Variants in PLEK2 observed in about 807,000 individuals in gnomAD.
PLEK2 encodes pleckstrin-2.
A neutral mutation model predicts 43.8 loss-of-function variants in PLEK2; 29 were observed. That is an observed-to-expected ratio of 0.66 (90% CI 0.49 to 0.90). The LOEUF is 0.90. Ranked by LOEUF, PLEK2 falls within the 40% of genes least tolerant of loss-of-function variation. The pLI is 0.00. For synonymous variants in PLEK2, 162 were observed against 173.2 expected, an observed-to-expected ratio of 0.94 and a Z score of 0.51; for missense variants, 398 against 448.1, an observed-to-expected ratio of 0.89 and a Z score of 1.01.
chr14:67,391,308 T>TGTGTGTGTGA, intron 6 of PLEK2, among the ~76,000 whole-genome samples: 1 of 145,924 alleles, frequency 6.9e-6, no homozygotes, highest in African/African-American at 2.7e-5. Context: ...TGTGTGTGAC[T>TGTGTGTGTGA]TTCTTTGGCC....
chr14:67,410,638 A>G (rs1444224842), intron 1 of PLEK2, among the ~76,000 whole-genome samples: 1 of 152,128 alleles, frequency 6.6e-6, no homozygotes, highest in Non-Finnish European at 1.5e-5. Flanking sequence ...GTGCAACATC[A>G]TGTGGACACA....
At chr14:67,396,912 G>C (rs1038574976) in intron 2 of PLEK2, among the ~76,000 whole-genome samples, 2 of 151,408 alleles carry the variant, frequency 1.3e-5, no homozygotes, top group Admixed American at 6.6e-5. Context: ...CTTGGCACAT[G>C]ATGGGCCCTT....
intron 1 of PLEK2, among the ~76,000 whole-genome samples, chr14:67,410,477 G>A (rs893348715): frequency 1.3e-5 from 2 of 152,140 alleles, no homozygotes; most frequent in Non-Finnish European, 2.9e-5. Context: ...CACATGCTGC[G>A]AGAAACCGGC....
At chr14:67,407,483 G>A (rs947235801) in intron 1 of PLEK2, among the ~76,000 whole-genome samples, 1 of 151,200 alleles carries the variant, frequency 6.6e-6, no homozygotes, top group Non-Finnish European at 1.5e-5. Flanking sequence ...TTTGGTTGCC[G>A]AGGCTGGAGT....
At position 67,388,207 on chromosome 14, in the gene PLEK2, C is replaced by T; in HGVS notation, c.934+17G>A. 1.3e-6 allele frequency: 2 copies of T among 1,583,064 alleles called. No individual in the cohort carries two copies. Among genetic ancestry groups the T allele is most frequent in the Non-Finnish European group, 1.7e-6 (2 of 1,151,774 alleles). On this transcript the variant is annotated intron_variant, in intron 8 of 8. Transcript: ENST00000216446. ...GGCCCCTGAGATCTTCAGGCCAGGG[C>T]TGAAGTTGTACCTTACCAGTGGGAA...
chr14:67,405,594 G>A lies in PLEK2; in HGVS notation c.42+6424C>T, dbSNP rs185214673. Among the ~76,000 whole-genome samples the A allele has an allele frequency of 1.9e-4, 29 of 152,268 alleles. No individual in the cohort carries two copies. The East Asian group carries it at 5.6e-3, about 29-fold the overall frequency. On this transcript the variant is annotated intron_variant, in intron 1 of 8. Coordinates refer to ENST00000216446, the MANE Select transcript of PLEK2 (RefSeq NM_016445.3). Reference sequence around the variant, plus strand: ...TCTCCTTCCACATTTTACTAGGGTTGGTCTGTATGGCAATATGGCAGAGTG... The same window carrying A: ...TCTCCTTCCACATTTTACTAGGGTTAGTCTGTATGGCAATATGGCAGAGTG...
Position 67,390,719 on chromosome 14 carries a change from G to A in PLEK2, c.799C>T (p.Arg267Cys), listed in dbSNP as rs376971024. 2.7e-5 allele frequency: 43 copies of A among 1,613,210 alleles called. No individual in the cohort carries two copies. Among genetic ancestry groups the A allele is most frequent in the African/African-American group, 8.0e-5 (6 of 74,866 alleles). The change falls in exon 7 of 9, where the codon CGT (arginine) becomes TGT (cysteine). Residue 267 changes from arginine to cysteine, a missense_variant. Arg to Cys is a radical substitution (Grantham distance 180, BLOSUM62 -3). Transcript: ENST00000216446. ...QGHKRKNWKVRRFVLRKDPAF... is the reference protein window; with the variant it reads ...QGHKRKNWKVCRFVLRKDPAF... ...GGATCCTTCCTTAGAACAAAGCGAC[G>A]CACCTTCCAGTTTTTCCTCTTGTGT...
chr14:67,393,265 A>G (rs1197649618), intron 3 of PLEK2, 24 bp from the exon 4 acceptor site: 1 of 1,556,526 alleles, frequency 6.4e-7, no homozygotes, highest in East Asian at 2.2e-5. Context: ...AAGGCAAAGG[A>G]GAGGGAACCC....
Position 67,412,152 on chromosome 14 carries a change from G to A in PLEK2, c.-93C>T. The A allele has an allele frequency of 1.7e-6, 2 of 1,163,338 alleles. No individual in the cohort carries two copies. The highest frequency in any genetic ancestry group is 2.3e-6 in the Non-Finnish European group (2 of 885,216). 72.1% of individuals were successfully genotyped at this position (1,163,338 alleles called of 1,614,324 possible). A position where few individuals can be genotyped will look rare whatever the true frequency, so the allele number is the denominator to read the frequency against. On this transcript the variant is annotated 5_prime_UTR_variant, in exon 1 of 9. Transcript: ENST00000216446. ...CGCAGCCCGCGCAGTCCGCGCCCACGGCGCCCAGGAAGCAGCTCCGACGCG... is the reference window on the plus strand; with the variant it reads ...CGCAGCCCGCGCAGTCCGCGCCCACAGCGCCCAGGAAGCAGCTCCGACGCG...
At chr14:67,392,553 C>G (rs1451815683) in intron 5 of PLEK2, 109 bp downstream of exon 5, 2 of 1,228,994 alleles carry the variant, frequency 1.6e-6, no homozygotes, top group African/African-American at 1.5e-5. Context: ...ATGAAGTCGT[C>G]CCCCAAGCCC....
chr14:67,400,490 C>A (rs985002268), intron 1 of PLEK2, among the ~76,000 whole-genome samples: 3 of 152,234 alleles, frequency 2.0e-5, no homozygotes, highest in African/African-American at 4.8e-5. Context: ...AGCCCAGCCT[C>A]AGGTCCCCAT....
At chr14:67,402,911 A>ATT (rs1266593560) in intron 1 of PLEK2, among the ~76,000 whole-genome samples, 3 of 152,138 alleles carry the variant, frequency 2.0e-5, no homozygotes, top group African/African-American at 4.8e-5. Context: ...CAATATATTG[A>ATT]TTTCCTTTCT....
At chr14:67,410,178 G>T (rs528775786) in intron 1 of PLEK2, among the ~76,000 whole-genome samples, 47 of 152,212 alleles carry the variant, frequency 3.1e-4, no homozygotes, top group African/African-American at 1.1e-3. Context: ...GGAGCTCTGT[G>T]GCTCTGCCCT....
In PLEK2 at chr14:67,397,776, G is replaced by T. The variant is rs1197967911; in HGVS notation, c.93C>A (p.Asn31Lys). 1 of 1,613,360 alleles carries T rather than the reference G, an allele frequency of 6.2e-7. No individual in the cohort carries two copies. Among genetic ancestry groups the T allele is most frequent in the Admixed American group, 1.7e-5 (1 of 59,932 alleles). Residue 31 changes from asparagine to lysine, a missense_variant, in exon 2 of 9, where the codon AAC (asparagine) becomes AAA (lysine). Asn to Lys is a moderately conservative substitution (Grantham distance 94, BLOSUM62 0). Transcript: ENST00000216446. ...CCTCAAGCTTGTAGTACACCAGCGTGTTCTGCCGAAGGATGAACCATCGCG... is the reference window on the plus strand; with the variant it reads ...CCTCAAGCTTGTAGTACACCAGCGTTTTCTGCCGAAGGATGAACCATCGCG... The part of the protein sequence containing the change: ...WKARWFILRQ[N>K]TLVYYKLEGG...
At chr14:67,408,126 A>C (rs901552919) in intron 1 of PLEK2, among the ~76,000 whole-genome samples, 4 of 151,962 alleles carry the variant, frequency 2.6e-5, no homozygotes, top group African/African-American at 9.7e-5. Flanking sequence ...GTCTCTACTA[A>C]AAATACAAAA....
At chr14:67,410,587 T>G (rs1423384455) in intron 1 of PLEK2, among the ~76,000 whole-genome samples, 1 of 152,232 alleles carries the variant, frequency 6.6e-6, no homozygotes, top group Non-Finnish European at 1.5e-5. Context: ...CCTTGCTTAC[T>G]GTTTACAGCA....
chr14:67,407,252 G>C (rs2086084814), intron 1 of PLEK2, among the ~76,000 whole-genome samples: 1 of 151,906 alleles, frequency 6.6e-6, no homozygotes, highest in South Asian at 2.1e-4. Context: ...CTCCCGAGTA[G>C]CTGGGATTAG....
chr14:67,392,226 C>A lies in PLEK2; in HGVS notation c.771+100G>T. On this transcript the variant is annotated intron_variant, in intron 6 of 8. Coordinates refer to ENST00000216446, the MANE Select transcript of PLEK2 (RefSeq NM_016445.3). ...TTCGTAGATTTTGCTGTAATTGGTGCCCTCCAGCAGCCTCAGCCCTTCCCT... is the reference window on the plus strand; with the variant it reads ...TTCGTAGATTTTGCTGTAATTGGTGACCTCCAGCAGCCTCAGCCCTTCCCT... The A allele has an allele frequency of 4.9e-6, 4 of 817,464 alleles. No homozygotes were observed. In the South Asian group the frequency reaches 5.6e-5, roughly 11 times the overall value. 50.6% of individuals were successfully genotyped at this position (817,464 alleles called of 1,614,324 possible). A position where few individuals can be genotyped will look rare whatever the true frequency, so the allele number is the denominator to read the frequency against.
chr14:67,393,807 C>A (rs997520825), intron 3 of PLEK2, among the ~76,000 whole-genome samples: 1 of 152,130 alleles, frequency 6.6e-6, no homozygotes, highest in African/African-American at 2.4e-5. Context: ...GCACGGCTCA[C>A]CCCTCATAAA....
Sources: gnomAD v4.1 joint callset for allele counts (sites outside exome capture counted in the v4.1 genomes callset) on GRCh38, gnomAD v4.1.1 for gene constraint, MANE v1.5 for transcripts, NCBI Gene and HGNC (gene_info 2026-07-23, HGNC 2026-07-21) for gene names.